LINGO2: variants seen among roughly 807,000 people sequenced by gnomAD.
LINGO2 encodes the protein leucine-rich repeat and immunoglobulin-like domain-containing nogo receptor-interacting protein 2.
LINGO2 carries 14 observed loss-of-function variants against 30.6 expected under a neutral mutation model. The ratio of observed to expected loss-of-function variants is 0.46; its 90% CI spans 0.30 to 0.72. LINGO2 has a LOEUF of 0.72. Ranked by LOEUF, LINGO2 falls within the 30% of genes least tolerant of loss-of-function variation. LINGO2 has a pLI of 0.07. For missense variants in LINGO2, 729 were observed against 751.7 expected (o/e 0.97, Z 0.35); for synonymous variants, 317 against 288.5 (o/e 1.10, Z -1.00).
At position 27,961,621 on chromosome 9, in the gene LINGO2, G is replaced by C. The variant is rs372188273; in HGVS notation, c.-35-10915C>G. 1.9e-3 allele frequency among the ~76,000 whole-genome samples: 290 copies of C among 152,298 alleles called. 2 individuals are homozygous for C. Among genetic ancestry groups the C allele is most frequent in the Middle Eastern group, 0.01 (3 of 294 alleles). On this transcript the variant is annotated intron_variant, in intron 5 of 5. Transcript: ENST00000379992. Reference sequence around the variant, plus strand: ...GAGAGCAATGGCAAGCCATTAAAGTGTTTTATGCAAAAGAGTGATATGATC... The same window carrying C: ...GAGAGCAATGGCAAGCCATTAAAGTCTTTTATGCAAAAGAGTGATATGATC...
intron 4 of LINGO2, among the ~76,000 whole-genome samples, chr9:28,275,208 A>G (rs1823074182): frequency 6.6e-6 from 1 of 151,598 alleles, no homozygotes; most frequent in Non-Finnish European, 1.5e-5. Flanking sequence ...AGCTGGGACT[A>G]CAGGCACCCG....
chr9:28,876,332 G>A, the LINGO2 span, among the ~76,000 whole-genome samples: 1 of 151,900 alleles, frequency 6.6e-6, no homozygotes, highest in East Asian at 1.9e-4. Context: ...CATGTGCCAT[G>A]CTGGTGTGCT....
At chr9:29,073,866 C>T in the LINGO2 span, among the ~76,000 whole-genome samples, 1 of 152,124 alleles carries the variant, frequency 6.6e-6, no homozygotes, top group Non-Finnish European at 1.5e-5. Context: ...TATCGCAGTG[C>T]CTCAATCATT....
chr9:29,016,209 T>C, the LINGO2 span, among the ~76,000 whole-genome samples: 4 of 152,196 alleles, frequency 2.6e-5, no homozygotes, highest in Admixed American at 6.5e-5. Context: ...GTTTGAAACA[T>C]AGTACTCATT....
chr9:28,675,484 A>G, the LINGO2 span, among the ~76,000 whole-genome samples: 1 of 152,154 alleles, frequency 6.6e-6, no homozygotes, highest in Non-Finnish European at 1.5e-5. Context: ...GATGGTTATT[A>G]AAATGCAATA....
the LINGO2 span, among the ~76,000 whole-genome samples, chr9:28,986,293 T>C: frequency 6.6e-6 from 1 of 152,090 alleles, no homozygotes; most frequent in Non-Finnish European, 1.5e-5. Flanking sequence ...TATAATAGTT[T>C]AAATTCAGGT....
the LINGO2 span, among the ~76,000 whole-genome samples, chr9:28,849,848 C>T: frequency 6.6e-6 from 1 of 152,002 alleles, no homozygotes; most frequent in African/African-American, 2.4e-5. Flanking sequence ...CTTTTATGTT[C>T]CCAGAGCGCT....
intron 4 of LINGO2, among the ~76,000 whole-genome samples, chr9:28,195,240 A>G (rs1475548981): frequency 1.3e-5 from 2 of 151,858 alleles, no homozygotes; most frequent in African/African-American, 4.8e-5. Flanking sequence ...AAAAGGCATA[A>G]AATGTGATAG....
the LINGO2 span, among the ~76,000 whole-genome samples, chr9:29,057,904 A>G: frequency 6.6e-6 from 1 of 152,144 alleles, no homozygotes; most frequent in African/African-American, 2.4e-5. Context: ...AAAGAACGCT[A>G]TATCTGTCCT....
chr9:28,568,512 T>G (rs558064324), intron 1 of LINGO2, among the ~76,000 whole-genome samples: 1 of 152,092 alleles, frequency 6.6e-6, no homozygotes, highest in South Asian at 2.1e-4. Flanking sequence ...CCCAAACAGT[T>G]TCAACCCAAA....
the LINGO2 span, among the ~76,000 whole-genome samples, chr9:28,675,905 G>GTATATATATATATATACATA: frequency 7.9e-6 from 1 of 126,064 alleles, no homozygotes; most frequent in Non-Finnish European, 1.7e-5. Context: ...GTGTGTGTAT[G>GTATATATATATATATACATA]TATATATATA....
At chr9:29,192,555 A>G in the LINGO2 span, among the ~76,000 whole-genome samples, 3 of 152,052 alleles carry the variant, frequency 2.0e-5, no homozygotes, top group South Asian at 2.1e-4. Context: ...ATGAAATATT[A>G]TTAACATATT....
chr9:28,647,219 A>C (rs1483752636), intron 1 of LINGO2, among the ~76,000 whole-genome samples: 3 of 152,124 alleles, frequency 2.0e-5, no homozygotes, highest in Non-Finnish European at 4.4e-5. Context: ...GGTTGCCCTG[A>C]AATTGATCAA....
At chr9:28,127,267 C>T (rs747937983) in intron 4 of LINGO2, among the ~76,000 whole-genome samples, 1 of 152,090 alleles carries the variant, frequency 6.6e-6, no homozygotes, top group Non-Finnish European at 1.5e-5. Flanking sequence ...GATTTTGATG[C>T]TTATGCCTTC....
chr9:28,057,811 C>T (rs936924094), intron 4 of LINGO2, among the ~76,000 whole-genome samples: 9 of 151,906 alleles, frequency 5.9e-5, no homozygotes, highest in East Asian at 5.8e-4. Flanking sequence ...TACTCTCTTC[C>T]GGCTACCCTT....
chr9:28,621,429 C>T (rs1476523177), intron 1 of LINGO2, among the ~76,000 whole-genome samples: 1 of 151,772 alleles, frequency 6.6e-6, no homozygotes, highest in Non-Finnish European at 1.5e-5. Context: ...AACTTTTTCT[C>T]CAAGTGTGTC....
intron 4 of LINGO2, among the ~76,000 whole-genome samples, chr9:28,015,245 C>T (rs1266826172): frequency 6.6e-6 from 1 of 152,158 alleles, no homozygotes; most frequent in Non-Finnish European, 1.5e-5. Flanking sequence ...TTTCATTCTC[C>T]TATTCTCCCA....
the LINGO2 span, among the ~76,000 whole-genome samples, chr9:28,828,856 G>A: frequency 6.6e-6 from 1 of 152,136 alleles, no homozygotes; most frequent in Non-Finnish European, 1.5e-5. Context: ...GTTTTCAGCA[G>A]TTGTAATTTA....
chr9:28,747,110 C>A, the LINGO2 span, among the ~76,000 whole-genome samples: 1 of 151,894 alleles, frequency 6.6e-6, no homozygotes, highest in Non-Finnish European at 1.5e-5. Context: ...TTTGGCCAAC[C>A]ACACCCCCCT....
Sources: allele counts gnomAD v4.1 joint callset (sites outside exome capture counted in the v4.1 genomes callset), GRCh38; gene constraint gnomAD v4.1.1; transcripts MANE v1.5; gene names NCBI Gene and HGNC (gene_info 2026-07-23, HGNC 2026-07-21).